The following IGF2BP2 variants were observed in gnomAD, a reference collection of about 807,000 sequenced individuals.
The protein encoded by IGF2BP2 is insulin-like growth factor 2 mRNA-binding protein 2.
Under a neutral mutation model 75.8 loss-of-function variants are expected in IGF2BP2, and 17 were observed. The observed-to-expected ratio is 0.22, with a 90% CI of 0.15 to 0.34. The LOEUF (loss-of-function observed/expected upper bound fraction) is 0.34, where lower values mean the gene tolerates loss of function less well. IGF2BP2 is among the 10% of genes least tolerant of loss of function. The pLI is 1.00. For synonymous variants in IGF2BP2, 288 were observed against 295.6 expected (o/e 0.97, Z 0.26); for missense variants, 516 against 772.4 (o/e 0.67, Z 3.93).
At chr3:185,715,887 C>T (rs1725536055) in intron 2 of IGF2BP2, among the ~76,000 whole-genome samples, 1 of 152,150 alleles carries the variant, frequency 6.6e-6, no homozygotes, top group African/African-American at 2.4e-5. Context: ...CTCAGGTGAT[C>T]CACCTGCCTC....
chr3:185,649,300 G>C, intron 14 of IGF2BP2, 103 bp downstream of exon 14: 1 of 1,449,766 alleles, frequency 6.9e-7, no homozygotes. Flanking sequence ...GACCCTGACT[G>C]TACATTGGGA....
rs149052791 is a variant in IGF2BP2 at position 185,770,505 on chromosome 3, T to C, written c.239+52648A>G. The stretch of plus-strand genomic sequence containing the variant: ...TTGGTTATGACCCCATAGGCCTTTA[T>C]TCCAAGGCACCAGATTTTAAAAAGA... On this transcript the variant is annotated intron_variant, in intron 2 of 15. Coordinates refer to ENST00000382199, the MANE Select transcript of IGF2BP2 (RefSeq NM_006548.6). Among the ~76,000 whole-genome samples, 8 of 152,372 alleles carry C rather than the reference T, an allele frequency of 5.3e-5. No individual in the cohort carries two copies. The East Asian group carries it at 1.5e-3, about 29-fold the overall frequency.
At chr3:185,777,429 T>C (rs1734664688) in intron 2 of IGF2BP2, among the ~76,000 whole-genome samples, 2 of 152,202 alleles carry the variant, frequency 1.3e-5, no homozygotes, top group Admixed American at 1.3e-4. Flanking sequence ...AAGTCGAAGC[T>C]GCAGTGAGCC....
At position 185,647,239 on chromosome 3, in the gene IGF2BP2, A is replaced by G; in HGVS notation, c.1594-101T>C. The G allele has an allele frequency of 2.4e-6, 2 of 849,974 alleles. No homozygotes were observed. Among genetic ancestry groups the G allele is most frequent in the South Asian group, 2.7e-5 (2 of 74,510 alleles). 52.7% of individuals were successfully genotyped at this position (849,974 alleles called of 1,614,324 possible). A position where few individuals can be genotyped will look rare whatever the true frequency, so the allele number is the denominator to read the frequency against. ...GGCCAAGAGGTGGAGCAGGGGAAGGAGGGGGGCTGGACTCTGCTCTCCTTT... is the reference window on the plus strand; with the variant it reads ...GGCCAAGAGGTGGAGCAGGGGAAGGGGGGGGGCTGGACTCTGCTCTCCTTT... On this transcript the variant is annotated intron_variant, in intron 14 of 15. Coordinates refer to ENST00000382199, the MANE Select transcript of IGF2BP2 (RefSeq NM_006548.6). This position sits in a 1 kb window ranked among gnomAD's most constrained non-coding sequence, Gnocchi z 4.9.
intron 2 of IGF2BP2, among the ~76,000 whole-genome samples, chr3:185,708,704 T>C (rs980948190): frequency 2.6e-5 from 4 of 152,028 alleles, no homozygotes; most frequent in African/African-American, 9.7e-5. Context: ...CAGATCAAGT[T>C]TGAGAACCTT....
chr3:185,775,761 A>G (rs1734460832), intron 2 of IGF2BP2, among the ~76,000 whole-genome samples: 1 of 152,252 alleles, frequency 6.6e-6, no homozygotes, highest in Non-Finnish European at 1.5e-5. Context: ...GAAATAAAAG[A>G]AGATGGCTGA....
chr3:185,739,234 C>G (rs1042284377), intron 2 of IGF2BP2, among the ~76,000 whole-genome samples: 11 of 152,134 alleles, frequency 7.2e-5, no homozygotes, highest in Admixed American at 6.5e-4. Flanking sequence ...TTACAAGCCT[C>G]TAACCTGTCC....
intron 2 of IGF2BP2, among the ~76,000 whole-genome samples, chr3:185,791,830 C>T (rs998096844): frequency 6.6e-6 from 1 of 152,224 alleles, no homozygotes; most frequent in African/African-American, 2.4e-5. Flanking sequence ...AAAAATGCTA[C>T]AGTTCCAGGG....
intron 2 of IGF2BP2, among the ~76,000 whole-genome samples, chr3:185,796,881 T>A (rs139991028): frequency 6.6e-6 from 1 of 152,296 alleles, no homozygotes; most frequent in Non-Finnish European, 1.5e-5. Context: ...AAACAATCTT[T>A]CAGTTACTGA....
At chr3:185,698,461 T>C (rs1722863339) in intron 2 of IGF2BP2, 114 bp from the exon 3 acceptor site, 9 of 912,878 alleles carry the variant, frequency 9.9e-6, no homozygotes, top group East Asian at 7.5e-5. Flanking sequence ...GTGTTCACCA[T>C]GGCATCAACA....
chr3:185,823,164 A>G lies in IGF2BP2; in HGVS notation c.228T>C (p.Ser76=). The G allele has an allele frequency of 6.2e-7, 1 of 1,603,518 alleles. No homozygotes were observed. Among genetic ancestry groups the G allele is most frequent in the Non-Finnish European group, 8.5e-7 (1 of 1,175,096 alleles). The change falls in exon 2 of 16, where the codon TCT becomes TCC. Residue 76 remains serine, a synonymous_variant. Coordinates refer to ENST00000382199, the MANE Select transcript of IGF2BP2 (RefSeq NM_006548.6). ...GKIMEVDYSV[S]KKLRSRKIQI... is the part of the protein sequence containing the mutation. ...CAAAGTATATTTACCTTAGCTTTTT[A>G]GAGACTGAGTAATCAACTTCCATGA...
intron 2 of IGF2BP2, among the ~76,000 whole-genome samples, chr3:185,770,463 G>A (rs1381938018): frequency 6.6e-6 from 1 of 152,212 alleles, no homozygotes; most frequent in African/African-American, 2.4e-5. Flanking sequence ...ATTTTCACAA[G>A]CATCTTATTT....
In IGF2BP2 at chr3:185,644,799, G is replaced by A. The variant is rs1349262143; in HGVS notation, c.*732C>T. 1 of 152,620 alleles carries A rather than the reference G, an allele frequency of 6.6e-6. No individual in the cohort carries two copies. The highest frequency in any genetic ancestry group is 2.4e-5 in the African/African-American group (1 of 41,444). 9.5% of individuals were successfully genotyped at this position (152,620 alleles called of 1,614,324 possible). Reference sequence around the variant, plus strand: ...CTAGACAGGCATGAGGAGTGACAGAGTTTCCTCTTCAAGGAGACGGTATCC... The same window carrying A: ...CTAGACAGGCATGAGGAGTGACAGAATTTCCTCTTCAAGGAGACGGTATCC... On this transcript the variant is annotated 3_prime_UTR_variant, in exon 16 of 16. Coordinates refer to ENST00000382199, the MANE Select transcript of IGF2BP2 (RefSeq NM_006548.6).
rs960485379 is a variant in IGF2BP2 at position 185,643,196 on chromosome 3, C to T, written c.*2335G>A. Among the ~76,000 whole-genome samples the T allele has an allele frequency of 6.6e-6, 1 of 152,222 alleles. No homozygotes were observed. Among genetic ancestry groups the T allele is most frequent in the East Asian group, 1.9e-4 (1 of 5,200 alleles). On this transcript the variant is annotated 3_prime_UTR_variant, in exon 16 of 16. Coordinates refer to ENST00000382199, the MANE Select transcript of IGF2BP2 (RefSeq NM_006548.6). ...TGGTGGTCTGGAACTGAACCTGCGA[C>T]GTTCCTGAGGTATGCCTGCACTTAC...
At chr3:185,771,609 C>T (rs1316395879) in intron 2 of IGF2BP2, among the ~76,000 whole-genome samples, 1 of 152,124 alleles carries the variant, frequency 6.6e-6, no homozygotes, top group Non-Finnish European at 1.5e-5. Flanking sequence ...TTTCCACTTT[C>T]CAAAAACTTT....
At chr3:185,722,446 A>C in intron 2 of IGF2BP2, 1 of 338,024 alleles carries the variant, frequency 3.0e-6, no homozygotes, top group Non-Finnish European at 5.8e-6. Flanking sequence ...CTGGGAGATG[A>C]ACTTTTATGA....
chr3:185,810,966 C>A lies in IGF2BP2; in HGVS notation c.239+12187G>T, dbSNP rs79757945. 2.7e-3 allele frequency among the ~76,000 whole-genome samples: 407 copies of A among 152,042 alleles called. 3 individuals carry two copies. Among genetic ancestry groups the A allele is most frequent in the Non-Finnish European group, 3.5e-3 (238 of 67,990 alleles). ...ATTTAGATTGATGTGGAAACCTGCTCCTCCAATTATATGAAAATAGAGGCT... is the reference window on the plus strand; with the variant it reads ...ATTTAGATTGATGTGGAAACCTGCTACTCCAATTATATGAAAATAGAGGCT... On this transcript the variant is annotated intron_variant, in intron 2 of 15. Transcript: ENST00000382199.
At chr3:185,709,702 G>A (rs1477119233) in intron 2 of IGF2BP2, among the ~76,000 whole-genome samples, 1 of 152,162 alleles carries the variant, frequency 6.6e-6, no homozygotes, top group East Asian at 1.9e-4. Flanking sequence ...TACCAAGAGA[G>A]CAGGAAACAC....
intron 10 of IGF2BP2, among the ~76,000 whole-genome samples, chr3:185,664,532 A>G (rs1464414778): frequency 6.6e-6 from 1 of 152,182 alleles, no homozygotes; most frequent in Non-Finnish European, 1.5e-5. Context: ...GCTTTTTACA[A>G]AATTGTGATT....
Sources: allele counts gnomAD v4.1 joint callset (sites outside exome capture counted in the v4.1 genomes callset), GRCh38; gene constraint gnomAD v4.1.1; non-coding constraint Gnocchi (gnomAD v3.1); transcripts MANE v1.5; gene names NCBI Gene and HGNC (gene_info 2026-07-23, HGNC 2026-07-21).